The following FGFR1 variants were observed in gnomAD, a reference collection of about 807,000 sequenced individuals.
The protein encoded by FGFR1 is FGFR1/PLAG1 fusion.
FGFR1 carries 18 observed loss-of-function variants against 93.7 expected under a neutral mutation model. The ratio of observed to expected loss-of-function variants is 0.19; its 90% CI spans 0.13 to 0.28. FGFR1 has a LOEUF of 0.28. Ranked by LOEUF, FGFR1 falls within the 10% of genes least tolerant of loss-of-function variation. The pLI is 1.00. For missense variants in FGFR1, 731 were observed against 1,080.4 expected, an observed-to-expected ratio of 0.68 and a Z score of 4.53; for synonymous variants, 448 against 429.3, an observed-to-expected ratio of 1.04 and a Z score of -0.54.
chr8:38,466,921 GTGTC>G (rs1835681243), intron 1 of FGFR1, among the ~76,000 whole-genome samples: 3 of 145,016 alleles, frequency 2.1e-5, no homozygotes, highest in Non-Finnish European at 4.5e-5. Context: ...CACCAAAAAA[GTGTC>G]TGGCTGCCTC....
At chr8:38,448,709 CTT>C (rs1830161156) in intron 2 of FGFR1, among the ~76,000 whole-genome samples, 1 of 152,164 alleles carries the variant, frequency 6.6e-6, no homozygotes, top group Admixed American at 6.5e-5. Context: ...AATCCCAGCA[CTT>C]TGGGAGGCTG....
At chr8:38,451,136 C>G (rs1179825802) in intron 2 of FGFR1, among the ~76,000 whole-genome samples, 1 of 152,180 alleles carries the variant, frequency 6.6e-6, no homozygotes, top group Non-Finnish European at 1.5e-5. Context: ...ACCTTTTGCT[C>G]CATGGAATTC....
intron 13 of FGFR1, among the ~76,000 whole-genome samples, 161 bp from the exon 14 acceptor site, chr8:38,415,062 A>G (rs1269318454): frequency 6.6e-6 from 1 of 152,102 alleles, no homozygotes; most frequent in African/African-American, 2.4e-5. Flanking sequence ...ATTCTCTGCC[A>G]GCTCCAGGCT....
chr8:38,461,999 C>G (rs1834502791), intron 1 of FGFR1, among the ~76,000 whole-genome samples: 1 of 152,140 alleles, frequency 6.6e-6, no homozygotes, highest in African/African-American at 2.4e-5. Flanking sequence ...TATTCTAGAC[C>G]TGTGGCCCAC....
At chr8:38,435,666 G>A (rs1200603849) in intron 2 of FGFR1, 2 of 152,200 alleles carry the variant, frequency 1.3e-5, no homozygotes, top group African/African-American at 4.8e-5. Flanking sequence ...TCATTAGAAA[G>A]GTCCTTGCCT....
chr8:38,464,278 G>C (rs988217111), intron 1 of FGFR1, among the ~76,000 whole-genome samples: 1 of 129,314 alleles, frequency 7.7e-6, no homozygotes, highest in African/African-American at 3.0e-5. Flanking sequence ...TAGCGCCACA[G>C]CACTCCAGCC....
intron 8 of FGFR1, 127 bp from the exon 9 acceptor site, chr8:38,419,862 G>C: frequency 1.3e-6 from 1 of 746,738 alleles, no homozygotes; most frequent in East Asian, 2.7e-5. Flanking sequence ...ACCATGGCAA[G>C]TTCTAGCTAG....
intron 1 of FGFR1, among the ~76,000 whole-genome samples, chr8:38,458,619 A>C (rs1370079834): frequency 6.6e-6 from 1 of 152,180 alleles, no homozygotes; most frequent in Non-Finnish European, 1.5e-5. Flanking sequence ...ATAAGGGGCA[A>C]TGAAGAATCA....
At chr8:38,455,440 G>A (rs1279091459) in intron 2 of FGFR1, among the ~76,000 whole-genome samples, 1 of 152,076 alleles carries the variant, frequency 6.6e-6, no homozygotes, top group Non-Finnish European at 1.5e-5. Flanking sequence ...ACAGGCGCCT[G>A]CCACTACGCC....
rs2150912755 is a variant in FGFR1 at position 38,427,987 on chromosome 8, G to C, written c.555C>G (p.Asn185Lys). ...CATTTTTCAACCAGCGCAGTGTGGG[G>C]TTTGGGGTCCCACTGGAAGGGCATT... ...KFKCPSSGTP[N>K]PTLRWLKNGK... is the part of the protein sequence containing the mutation. The change falls in exon 5 of 18, where the codon AAC becomes AAG. Residue 185 changes from asparagine (N) to lysine (K), a missense_variant. Transcript: ENST00000447712. 2 of 1,614,246 alleles carry C rather than the reference G, an allele frequency of 1.2e-6. No individual in the cohort carries two copies. Among genetic ancestry groups the C allele is most frequent in the Non-Finnish European group, 1.7e-6 (2 of 1,180,046 alleles).
intron 2 of FGFR1, among the ~76,000 whole-genome samples, chr8:38,440,616 G>A (rs556436332): frequency 2.6e-5 from 4 of 151,392 alleles, no homozygotes; most frequent in Non-Finnish European, 5.9e-5. Flanking sequence ...AAAAGAGTAA[G>A]AGGGGACATT....
chr8:38,441,135 C>A (rs758596542), intron 2 of FGFR1, among the ~76,000 whole-genome samples: 4 of 151,086 alleles, frequency 2.6e-5, no homozygotes, highest in Non-Finnish European at 5.9e-5. Context: ...GAATCGCAGG[C>A]GCCAAGAGCT....
chr8:38,420,915 TGGGAGCACATG>T (rs1053756610), intron 8 of FGFR1, among the ~76,000 whole-genome samples: 39 of 152,106 alleles, frequency 2.6e-4, no homozygotes, highest in Non-Finnish European at 4.7e-4. Flanking sequence ...GACAACTGAT[TGGGAGCACATG>T]GGGAGCACGG....
rs147933232 is a variant in FGFR1 at position 38,424,425 on chromosome 8, G to A, written c.936+84C>T. The A allele has an allele frequency of 1.1e-5, 17 of 1,488,182 alleles. No homozygotes were observed. In the East Asian group the frequency reaches 2.7e-4, roughly 24 times the overall value. The allele number at this position is 1,488,182 out of a possible 1,614,324, so 92.2% of individuals were successfully genotyped here. Reference sequence around the variant, plus strand: ...GGAATGATCCCATTCGGGGGCAACTGAGCCTGCCCACAGGAACTTGAGCCC... The same window carrying A: ...GGAATGATCCCATTCGGGGGCAACTAAGCCTGCCCACAGGAACTTGAGCCC... On this transcript the variant is annotated intron_variant, in intron 7 of 17. Transcript: ENST00000447712. This position sits in a 1 kb window ranked among gnomAD's most constrained non-coding sequence, Gnocchi z 4.3.
chr8:38,467,851 C>T (rs2151504510), intron 1 of FGFR1, 130 bp downstream of exon 1: 1 of 224,686 alleles, frequency 4.5e-6, no homozygotes, highest in Non-Finnish European at 8.9e-6. Flanking sequence ...AAGGGGCGGG[C>T]GGCGAGCGGA....
intron 2 of FGFR1, among the ~76,000 whole-genome samples, chr8:38,453,433 A>T (rs1831746039): frequency 6.6e-6 from 1 of 152,236 alleles, no homozygotes; most frequent in Non-Finnish European, 1.5e-5. Context: ...CACATTCATT[A>T]TCAATATATT....
At chr8:38,435,589 C>A (rs1228937112) in intron 2 of FGFR1, 1 of 152,258 alleles carries the variant, frequency 6.6e-6, no homozygotes, top group East Asian at 1.9e-4. Flanking sequence ...CTCACTAGCA[C>A]CCTGCAACTA....
At chr8:38,444,123 G>A (rs1343452335) in intron 2 of FGFR1, among the ~76,000 whole-genome samples, 13 of 148,196 alleles carry the variant, frequency 8.8e-5, no homozygotes, top group South Asian at 2.1e-4. Flanking sequence ...TATTAAAAAC[G>A]TTCTTACTTG....
chr8:38,437,393 A>G (rs1825816752), intron 2 of FGFR1, among the ~76,000 whole-genome samples: 1 of 152,246 alleles, frequency 6.6e-6, no homozygotes, highest in African/African-American at 2.4e-5. Flanking sequence ...TCAGATTTGC[A>G]CAGCACCTTA....
Sources: allele counts gnomAD v4.1 joint callset (sites outside exome capture counted in the v4.1 genomes callset), GRCh38; gene constraint gnomAD v4.1.1; non-coding constraint Gnocchi (gnomAD v3.1); transcripts MANE v1.5; gene names NCBI Gene and HGNC (gene_info 2026-07-23, HGNC 2026-07-21).